Variants in TMPRSS11E observed in about 807,000 individuals in gnomAD.
The protein encoded by TMPRSS11E is transmembrane protease serine 11E.
In TMPRSS11E, 38 loss-of-function variants were observed where a neutral mutation model predicts 48.1. The observed-to-expected ratio is 0.79, with a 90% CI of 0.61 to 1.04. The LOEUF (loss-of-function observed/expected upper bound fraction) is 1.04. TMPRSS11E is among the 50% of genes least tolerant of loss of function. The pLI, the probability that TMPRSS11E is intolerant of heterozygous loss-of-function variation, is 0.00. For missense variants in TMPRSS11E, 530 were observed against 510.8 expected (o/e 1.04, Z -0.36); for synonymous variants, 158 against 171.9 (o/e 0.92, Z 0.63).
chr4:68,454,386 C>T (rs1230890951), intron 1 of TMPRSS11E, among the ~76,000 whole-genome samples: 2 of 151,928 alleles, frequency 1.3e-5, no homozygotes, highest in Admixed American at 6.6e-5. Flanking sequence ...CTACTTTATT[C>T]TAATATGAAC....
At chr4:68,487,249 C>G (rs1729578663) in intron 9 of TMPRSS11E, among the ~76,000 whole-genome samples, 1 of 144,058 alleles carries the variant, frequency 6.9e-6, no homozygotes, top group Non-Finnish European at 1.6e-5. Flanking sequence ...TCTGTGGTGT[C>G]AGGAATTTTT....
Position 68,471,485 on chromosome 4 carries a change from C to T in TMPRSS11E, c.352C>T (p.His118Tyr), listed in dbSNP as rs1327240611. The change falls in exon 5 of 10, where the codon CAT (histidine) becomes TAT (tyrosine). Residue 118 changes from histidine to tyrosine, a missense_variant. Physicochemically the swap from His to Tyr is moderately conservative, Grantham distance 83 (BLOSUM62 2). Transcript: ENST00000305363. ...TCAACAGAAGCATGGAGTGTTGGCT[C>T]ATATGCTGTTGATTTGTAGATTTCA... Reference protein sequence around the residue: ...FSQQKHGVLAHMLLICRFHST... With the variant: ...FSQQKHGVLAYMLLICRFHST... The T allele has an allele frequency of 7.6e-6, 12 of 1,585,698 alleles. No individual in the cohort carries two copies. The highest frequency in any genetic ancestry group is 2.3e-5 in the South Asian group (2 of 87,028).
intron 7 of TMPRSS11E, among the ~76,000 whole-genome samples, chr4:68,476,753 C>T (rs900096852): frequency 1.3e-5 from 2 of 152,076 alleles, no homozygotes; most frequent in Non-Finnish European, 2.9e-5. Context: ...TGCTGAGTAC[C>T]TTAATCAGAG....
intron 8 of TMPRSS11E, 126 bp from the exon 9 acceptor site, chr4:68,478,722 TG>T: frequency 1.0e-6 from 1 of 982,796 alleles, no homozygotes; most frequent in Non-Finnish European, 1.5e-6. Context: ...CTCAAAGTGC[TG>T]GGATTACTGG....
chr4:68,464,176 G>C (rs2109677414), intron 2 of TMPRSS11E, among the ~76,000 whole-genome samples: 1 of 152,274 alleles, frequency 6.6e-6, no homozygotes, highest in Non-Finnish European at 1.5e-5. Flanking sequence ...TCTGTTTTGG[G>C]ATGTAAACTA....
chr4:68,476,342 C>T lies in TMPRSS11E; in HGVS notation c.611C>T (p.Pro204Leu). 6.2e-7 allele frequency: 1 copy of T among 1,614,112 alleles called. No individual in the cohort carries two copies. Among genetic ancestry groups the T allele is most frequent in the Non-Finnish European group, 8.5e-7 (1 of 1,179,988 alleles). Residue 204 changes from proline to leucine, a missense_variant, in exon 7 of 10, where the codon CCC (proline) becomes CTC (leucine). Physicochemically the swap from Pro to Leu is moderately conservative, Grantham distance 98. Coordinates refer to ENST00000305363, the MANE Select transcript of TMPRSS11E (RefSeq NM_014058.4). ...GGTEVEEGEW[P>L]WQASLQWDGS... The stretch of plus-strand genomic sequence containing the variant: ...ACAGAAGTAGAAGAGGGTGAATGGC[C>T]CTGGCAGGCTAGCCTGCAGTGGGAT...
intron 5 of TMPRSS11E, among the ~76,000 whole-genome samples, chr4:68,474,413 A>G (rs145702602): frequency 2.6e-5 from 4 of 152,216 alleles, no homozygotes; most frequent in African/African-American, 4.8e-5. Context: ...CATCTTATTT[A>G]CTGGTATAAA....
rs202056292 is a variant in TMPRSS11E, at chr4:68,480,312, A to AT, written c.1110+1329dup. Among the ~76,000 whole-genome samples, 476 of 151,312 alleles carry AT rather than the reference A, an allele frequency of 3.1e-3. 5 individuals are homozygous for AT. Among genetic ancestry groups the AT allele is most frequent in the African/African-American group, 0.011 (446 of 41,332 alleles). ...CCCAGAGTTTCCTAAGCTTTTGTTT[A>AT]TTTTTTTTGCACTCTAGTTTCTCTC... On this transcript the variant is annotated intron_variant, in intron 9 of 9. Coordinates refer to ENST00000305363, the MANE Select transcript of TMPRSS11E (RefSeq NM_014058.4).
chr4:68,460,965 C>T (rs4694077), intron 1 of TMPRSS11E, among the ~76,000 whole-genome samples: 37,075 of 151,304 alleles, frequency 0.25, 5,372 homozygotes, highest in Admixed American at 0.32. Context: ...ACTCCAAGCT[C>T]CGCCTCCCAG....
chr4:68,467,750 T>C (rs1162159394), intron 3 of TMPRSS11E, among the ~76,000 whole-genome samples: 1 of 152,172 alleles, frequency 6.6e-6, no homozygotes, highest in Non-Finnish European at 1.5e-5. Context: ...CTGGTTACAT[T>C]TGCACTTGCA....
At chr4:68,483,243 A>G (rs1729458405) in intron 9 of TMPRSS11E, among the ~76,000 whole-genome samples, 1 of 90,960 alleles carries the variant, frequency 1.1e-5, no homozygotes, top group Non-Finnish European at 2.3e-5. Context: ...TGGTGAAAGC[A>G]GGAGCGAGAG....
chr4:68,472,222 A>C (rs1729092579), intron 5 of TMPRSS11E, among the ~76,000 whole-genome samples: 1 of 152,002 alleles, frequency 6.6e-6, no homozygotes, highest in African/African-American at 2.4e-5. Context: ...GTGGAAATTA[A>C]GATCTGGCTA....
intron 9 of TMPRSS11E, among the ~76,000 whole-genome samples, chr4:68,494,122 A>T (rs547368963): frequency 0.045 from 4,790 of 106,690 alleles, 243 homozygotes; most frequent in African/African-American, 0.12. Context: ...TGCTGTCTAT[A>T]TTCTCACTCA....
chr4:68,497,535 T>A lies in TMPRSS11E; in HGVS notation c.*731T>A, dbSNP rs535157634. Reference sequence around the variant, plus strand: ...ATGCAATGTACTTGTTCTAAGCAAATTAAAGCAAATATTTATTTAACATTG... The same window carrying A: ...ATGCAATGTACTTGTTCTAAGCAAAATAAAGCAAATATTTATTTAACATTG... On this transcript the variant is annotated 3_prime_UTR_variant, in exon 10 of 10. Transcript: ENST00000305363. 102 of 152,220 alleles carry A rather than the reference T, an allele frequency of 6.7e-4. No homozygotes were observed. The highest frequency in any genetic ancestry group is 1.8e-3 in the African/African-American group (75 of 41,556). The allele number at this position is 152,220 out of a possible 1,614,324, so 9.4% of individuals were successfully genotyped here.
chr4:68,492,369 G>A (rs1192260913), intron 9 of TMPRSS11E, among the ~76,000 whole-genome samples: 3 of 152,116 alleles, frequency 2.0e-5, no homozygotes, highest in Non-Finnish European at 4.4e-5. Context: ...TACTCAATGA[G>A]CATATTCTTA....
At position 68,496,842 on chromosome 4, in the gene TMPRSS11E, T is replaced by C; in HGVS notation, c.*38T>C. ...TCATGGAACAGATAACATTTTTTTT[T>C]GTTTTTTGGGTGTGGAGGCCATTTT... On this transcript the variant is annotated 3_prime_UTR_variant, in exon 10 of 10. Transcript: ENST00000305363. The C allele has an allele frequency of 1.3e-6, 2 of 1,568,206 alleles. No individual in the cohort carries two copies. The highest frequency in any genetic ancestry group is 1.7e-6 in the Non-Finnish European group (2 of 1,161,036).
At chr4:68,469,281 T>G (rs924170984) in intron 4 of TMPRSS11E, among the ~76,000 whole-genome samples, 1 of 151,980 alleles carries the variant, frequency 6.6e-6, no homozygotes, top group African/African-American at 2.4e-5. Context: ...TAAGACAATA[T>G]AGTAGATCAG....
At chr4:68,470,319 G>GA (rs1387460555) in intron 4 of TMPRSS11E, among the ~76,000 whole-genome samples, 1 of 151,610 alleles carries the variant, frequency 6.6e-6, no homozygotes, top group East Asian at 1.9e-4. Context: ...CAGGAAAATA[G>GA]AAAAATCATG....
intron 9 of TMPRSS11E, among the ~76,000 whole-genome samples, 198 bp downstream of exon 9, chr4:68,479,189 C>G (rs1245627134): frequency 6.6e-6 from 1 of 152,134 alleles, no homozygotes; most frequent in Non-Finnish European, 1.5e-5. Flanking sequence ...AAGTATGTGT[C>G]TAATTCTATG....
Sources: gnomAD v4.1 joint callset for allele counts (sites outside exome capture counted in the v4.1 genomes callset) on GRCh38, gnomAD v4.1.1 for gene constraint, MANE v1.5 for transcripts, NCBI Gene and HGNC (gene_info 2026-07-23, HGNC 2026-07-21) for gene names.